The following DPYD variants were observed in gnomAD, a reference collection of about 807,000 sequenced individuals.
DPYD encodes dihydropyrimidine dehydrogenase.
A neutral mutation model predicts 116.2 loss-of-function variants in DPYD; 109 were observed. That is an observed-to-expected ratio of 0.94 (90% CI 0.80 to 1.10). The LOEUF (loss-of-function observed/expected upper bound fraction) is 1.10, where lower values mean the gene tolerates loss of function less well. Ranked by LOEUF, DPYD falls within the 50% of genes least tolerant of loss-of-function variation. DPYD has a pLI of 0.00. For synonymous variants in DPYD, 440 were observed against 432.0 expected, an observed-to-expected ratio of 1.02 and a Z score of -0.23; for missense variants, 1,302 against 1,254.5, an observed-to-expected ratio of 1.04 and a Z score of -0.57.
chr1:97,450,276 T>A, intron 13 of DPYD, 53 bp from the exon 14 acceptor site: 1 of 1,588,980 alleles, frequency 6.3e-7, no homozygotes, highest in Non-Finnish European at 8.6e-7. Context: ...AAAGCTATAA[T>A]CTTTATTATC....
chr1:97,524,661 G>A (rs994524321), intron 12 of DPYD, among the ~76,000 whole-genome samples: 1 of 152,132 alleles, frequency 6.6e-6, no homozygotes, highest in Admixed American at 6.5e-5. Flanking sequence ...GACATTGTGT[G>A]CTAATCATCT....
intron 8 of DPYD, among the ~76,000 whole-genome samples, chr1:97,597,886 T>C (rs1213021490): frequency 6.6e-6 from 1 of 152,190 alleles, no homozygotes; most frequent in Non-Finnish European, 1.5e-5. Flanking sequence ...ACCCTGAAAT[T>C]GATTTTCCAC....
At chr1:97,431,692 T>A (rs532869186) in intron 14 of DPYD, among the ~76,000 whole-genome samples, 1 of 152,280 alleles carries the variant, frequency 6.6e-6, no homozygotes, top group East Asian at 1.9e-4. Context: ...CATTTATCAT[T>A]TCTTTGTATT....
At chr1:97,465,736 A>G (rs1424448328) in intron 13 of DPYD, among the ~76,000 whole-genome samples, 1 of 152,188 alleles carries the variant, frequency 6.6e-6, no homozygotes, top group Non-Finnish European at 1.5e-5. Context: ...TAAATGGCCT[A>G]GTCCCGGGTA....
intron 5 of DPYD, among the ~76,000 whole-genome samples, chr1:97,717,865 T>C (rs1203963887): frequency 6.6e-6 from 1 of 151,922 alleles, no homozygotes; most frequent in East Asian, 1.9e-4. Context: ...TATCCAACCA[T>C]TGACTGATGT....
intron 18 of DPYD, among the ~76,000 whole-genome samples, chr1:97,240,205 A>G (rs2100768713): frequency 6.6e-6 from 1 of 151,836 alleles, no homozygotes; most frequent in South Asian, 2.1e-4. Flanking sequence ...CCAAAGGAAA[A>G]AAAGCCTCAA....
chr1:97,465,699 G>T (rs1431655074), intron 13 of DPYD, among the ~76,000 whole-genome samples: 1 of 152,148 alleles, frequency 6.6e-6, no homozygotes, highest in Non-Finnish European at 1.5e-5. Context: ...ATATGGAATT[G>T]TAAGTCCATT....
chr1:97,378,090 T>C (rs1671741150), intron 15 of DPYD, among the ~76,000 whole-genome samples: 1 of 152,186 alleles, frequency 6.6e-6, no homozygotes, highest in African/African-American at 2.4e-5. Flanking sequence ...GTCTCAACTA[T>C]TCAAAACTGG....
chr1:97,455,925 A>C (rs1007348780), intron 13 of DPYD, among the ~76,000 whole-genome samples: 3 of 151,874 alleles, frequency 2.0e-5, no homozygotes, highest in Non-Finnish European at 4.4e-5. Context: ...CCCTTTTGTC[A>C]TCAGGAACTT....
intron 1 of DPYD, among the ~76,000 whole-genome samples, chr1:97,904,780 G>A (rs1445371902): frequency 6.6e-6 from 1 of 151,910 alleles, no homozygotes; most frequent in African/African-American, 2.4e-5. Context: ...TAATCAGCTT[G>A]TTTACTTTTC....
At position 97,225,055 on chromosome 1, in the gene DPYD, A is replaced by ATCTG. The variant is rs887652990; in HGVS notation, c.2442+9793_2442+9796dup. ...TATCTATCTATCTATCTATCTATCT[A>ATCTG]TCTGTCTATCATCTATCTATATGTA... On this transcript the variant is annotated intron_variant, in intron 19 of 22. Coordinates refer to ENST00000370192, the MANE Select transcript of DPYD (RefSeq NM_000110.4). Among the ~76,000 whole-genome samples, 752 of 140,976 alleles carry ATCTG rather than the reference A, an allele frequency of 5.3e-3. 15 individuals are homozygous for ATCTG. Among genetic ancestry groups the ATCTG allele is most frequent in the African/African-American group, 0.017 (661 of 38,150 alleles). The allele number at this position is 140,976 out of a possible 152,430, so 92.5% of individuals were successfully genotyped here.
chr1:97,333,120 T>C (rs1669104359), intron 16 of DPYD, among the ~76,000 whole-genome samples: 1 of 148,232 alleles, frequency 6.7e-6, no homozygotes, highest in Admixed American at 6.8e-5. Context: ...TGCAGTGCCA[T>C]GATCTGCTCA....
intron 20 of DPYD, among the ~76,000 whole-genome samples, chr1:97,163,786 C>T (rs555893122): frequency 6.6e-6 from 1 of 152,142 alleles, no homozygotes; most frequent in Non-Finnish European, 1.5e-5. Context: ...AAGACCACAT[C>T]TCTTACTACT....
At chr1:97,245,574 C>G (rs1224989888) in intron 18 of DPYD, among the ~76,000 whole-genome samples, 1 of 152,006 alleles carries the variant, frequency 6.6e-6, no homozygotes, top group East Asian at 1.9e-4. Context: ...AAAATCTCAC[C>G]ATTCTATGTG....
At chr1:97,780,983 T>A (rs75798741) in intron 3 of DPYD, among the ~76,000 whole-genome samples, 3,337 of 152,294 alleles carry the variant, frequency 0.022, 55 homozygotes, top group Middle Eastern at 0.044. Context: ...CAGGCATTAT[T>A]CTAGAAGCTT....
At chr1:97,252,472 A>C (rs1663163541) in intron 18 of DPYD, among the ~76,000 whole-genome samples, 3 of 152,156 alleles carry the variant, frequency 2.0e-5, no homozygotes, top group Admixed American at 2.0e-4. Flanking sequence ...TATATTGTTG[A>C]CATAAGTGTC....
At chr1:97,888,465 T>A (rs1157603438) in intron 1 of DPYD, among the ~76,000 whole-genome samples, 1 of 151,052 alleles carries the variant, frequency 6.6e-6, no homozygotes, top group African/African-American at 2.4e-5. Flanking sequence ...GCTTAAAATT[T>A]GCCCGATTTA....
intron 8 of DPYD, among the ~76,000 whole-genome samples, chr1:97,622,472 A>C (rs1656686629): frequency 6.6e-6 from 1 of 152,022 alleles, no homozygotes; most frequent in Non-Finnish European, 1.5e-5. Context: ...AACCAAAAAA[A>C]AGCATAAGAA....
intron 16 of DPYD, among the ~76,000 whole-genome samples, chr1:97,330,466 C>T (rs1668928797): frequency 6.6e-6 from 1 of 152,124 alleles, no homozygotes; most frequent in Non-Finnish European, 1.5e-5. Flanking sequence ...CTCATTAATT[C>T]ATTCACTCCA....
Sources: gnomAD v4.1 joint callset for allele counts (sites outside exome capture counted in the v4.1 genomes callset) on GRCh38, gnomAD v4.1.1 for gene constraint, MANE v1.5 for transcripts, NCBI Gene and HGNC (gene_info 2026-07-23, HGNC 2026-07-21) for gene names.